Variants in METTL4 observed in about 807,000 individuals in gnomAD.
METTL4 encodes the protein N(6)-adenine-specific methyltransferase METTL4.
A neutral mutation model predicts 54.0 loss-of-function variants in METTL4; 40 were observed. The ratio of observed to expected loss-of-function variants is 0.74; its 90% CI spans 0.58 to 0.96. The LOEUF (loss-of-function observed/expected upper bound fraction) is 0.96, where lower values mean the gene tolerates loss of function less well. Ranked by LOEUF, METTL4 falls within the 50% of genes least tolerant of loss-of-function variation. The pLI, the probability that METTL4 is intolerant of heterozygous loss-of-function variation, is 0.00. For synonymous variants in METTL4, 169 were observed against 183.8 expected (o/e 0.92, Z 0.65); for missense variants, 525 against 549.0 (o/e 0.96, Z 0.44).
Position 2,544,238 on chromosome 18 carries a change from G to A in METTL4, c.1230C>T (p.Val410=), listed in dbSNP as rs773856469. ...VLPIPDHKLI[V]SVPCTLHSHK... is the part of the protein sequence containing the mutation. ...GTGAGTGAAGAGTACAGGGCACGCT[G>A]ACAATTAATTTGTGGTCTGGAATGG... The change falls in exon 8 of 9, where the codon GTC becomes GTT. Residue 410 remains valine, a synonymous_variant. Coordinates refer to ENST00000574538, the MANE Select transcript of METTL4 (RefSeq NM_022840.5). 4 of 1,613,510 alleles carry A rather than the reference G, an allele frequency of 2.5e-6. No individual in the cohort carries two copies. Among genetic ancestry groups the A allele is most frequent in the Non-Finnish European group, 3.4e-6 (4 of 1,179,758 alleles).
chr18:2,549,742 G>C (rs899810727), intron 5 of METTL4, among the ~76,000 whole-genome samples: 2 of 150,456 alleles, frequency 1.3e-5, no homozygotes, highest in Admixed American at 1.3e-4. Context: ...AACACTTTGG[G>C]AGGCCGAGGC....
Position 2,552,749 on chromosome 18 carries a change from T to A in METTL4, c.845A>T (p.Asp282Val). ...QPLLNYRKTFDVIVIDPPWQN... is the reference protein window; with the variant it reads ...QPLLNYRKTFVVIVIDPPWQN... ...CCATGGTGGATCTATCACAATTACATCAAATGTTTTCCTATCTGAAAACAA... is the reference window on the plus strand; with the variant it reads ...CCATGGTGGATCTATCACAATTACAACAAATGTTTTCCTATCTGAAAACAA... The change falls in exon 5 of 9, where the codon GAT becomes GTT. Residue 282 changes from aspartate (D) to valine (V), a missense_variant. Physicochemically the swap from Asp to Val is radical, Grantham distance 152. Transcript: ENST00000574538. 6.2e-7 allele frequency: 1 copy of A among 1,609,608 alleles called. No individual in the cohort carries two copies. Among genetic ancestry groups the A allele is most frequent in the Non-Finnish European group, 8.5e-7 (1 of 1,177,328 alleles).
intron 1 of METTL4, among the ~76,000 whole-genome samples, chr18:2,569,538 T>A (rs2072471453): frequency 2.0e-5 from 3 of 151,650 alleles, no homozygotes; most frequent in Admixed American, 6.6e-5. Flanking sequence ...GGAGGCTTGT[T>A]AGAGTAGACG....
At chr18:2,561,017 T>A (rs746105461) in intron 3 of METTL4, among the ~76,000 whole-genome samples, 1 of 152,118 alleles carries the variant, frequency 6.6e-6, no homozygotes, top group Non-Finnish European at 1.5e-5. Flanking sequence ...GATCAATAGG[T>A]TCATGGAAAA....
At chr18:2,565,568 C>T (rs913539295) in intron 2 of METTL4, among the ~76,000 whole-genome samples, 2 of 152,048 alleles carry the variant, frequency 1.3e-5, no homozygotes, top group Admixed American at 6.5e-5. Flanking sequence ...TTAAAAAGTT[C>T]CATTTCAGAA....
chr18:2,556,367 T>C (rs1348149338), intron 3 of METTL4, among the ~76,000 whole-genome samples: 2 of 149,854 alleles, frequency 1.3e-5, no homozygotes, highest in African/African-American at 4.9e-5. Context: ...TTAAAGAGAG[T>C]CTCAGAAAGA....
chr18:2,561,093 C>T (rs1262623336), intron 3 of METTL4: 1 of 152,062 alleles, frequency 6.6e-6, no homozygotes, highest in East Asian at 1.9e-4. Context: ...TTATTTCCAA[C>T]TCAGTTGAAA....
chr18:2,538,002 T>C lies in METTL4; in HGVS notation c.*998A>G, dbSNP rs1417538857. 2 of 398,318 alleles carry C rather than the reference T, an allele frequency of 5.0e-6. No homozygotes were observed. Among genetic ancestry groups the C allele is most frequent in the Non-Finnish European group, 8.9e-6 (2 of 225,956 alleles). 24.7% of individuals were successfully genotyped at this position (398,318 alleles called of 1,614,324 possible). ...GATCACTGTGGCAGACAGACAACTGTATATATGTTTTCAAAATTCACTGAA... is the reference window on the plus strand; with the variant it reads ...GATCACTGTGGCAGACAGACAACTGCATATATGTTTTCAAAATTCACTGAA... On this transcript the variant is annotated 3_prime_UTR_variant, in exon 9 of 9. Coordinates refer to ENST00000574538, the MANE Select transcript of METTL4 (RefSeq NM_022840.5).
intron 2 of METTL4, among the ~76,000 whole-genome samples, chr18:2,566,286 T>C (rs1222517891): frequency 2.0e-5 from 3 of 152,044 alleles, no homozygotes; most frequent in Non-Finnish European, 4.4e-5. Flanking sequence ...ACATATACTT[T>C]ACAAACGGGT....
Position 2,551,236 on chromosome 18 carries a change from A to G in METTL4, c.899+1459T>C, listed in dbSNP as rs149362260. Among the ~76,000 whole-genome samples, 236 of 152,182 alleles carry G rather than the reference A, an allele frequency of 1.6e-3. 6 individuals carry two copies. In the East Asian group the frequency reaches 0.042, roughly 27 times the overall value. On this transcript the variant is annotated intron_variant, in intron 5 of 8. Transcript: ENST00000574538. Reference sequence around the variant, plus strand: ...TATTTTGATAATTACATTATGTAAAACAATTATCTTTGTTTTTAGGAAATA... The same window carrying G: ...TATTTTGATAATTACATTATGTAAAGCAATTATCTTTGTTTTTAGGAAATA...
At chr18:2,545,663 T>A (rs912028714) in intron 6 of METTL4, among the ~76,000 whole-genome samples, 6 of 152,120 alleles carry the variant, frequency 3.9e-5, no homozygotes, top group African/African-American at 1.4e-4. Flanking sequence ...TGAAACTCTT[T>A]ATCCGATATC....
At chr18:2,540,661 A>C (rs773062206) in intron 8 of METTL4, 132 of 985,302 alleles carry the variant, frequency 1.3e-4, no homozygotes, top group Non-Finnish European at 1.5e-4. Flanking sequence ...ATTAAATGCT[A>C]CTAACCTTGA....
chr18:2,570,090 GT>G (rs1256002534), intron 1 of METTL4, among the ~76,000 whole-genome samples: 4 of 152,198 alleles, frequency 2.6e-5, no homozygotes, highest in African/African-American at 9.7e-5. Flanking sequence ...CCTCTGAATT[GT>G]TTTCTTTTCC....
At chr18:2,551,492 A>AG (rs1303581876) in intron 5 of METTL4, among the ~76,000 whole-genome samples, 2 of 151,904 alleles carry the variant, frequency 1.3e-5, no homozygotes, top group Admixed American at 1.3e-4. Flanking sequence ...GCTTGAGACT[A>AG]GGGGTTCAAC....
chr18:2,546,366 CTATT>C (rs1015569975), intron 6 of METTL4, among the ~76,000 whole-genome samples: 7 of 151,948 alleles, frequency 4.6e-5, no homozygotes, highest in African/African-American at 1.5e-4. Context: ...GTTTATCTCT[CTATT>C]TATAAATTAA....
intron 8 of METTL4, among the ~76,000 whole-genome samples, chr18:2,542,313 G>A (rs1467902231): frequency 6.6e-6 from 1 of 150,376 alleles, no homozygotes; most frequent in African/African-American, 2.4e-5. Flanking sequence ...CCACTAACTC[G>A]TCGTCTAGCA....
chr18:2,539,068 T>C lies in METTL4; in HGVS notation c.1351A>G (p.Ser451Gly). 1 of 1,613,944 alleles carries C rather than the reference T, an allele frequency of 6.2e-7. No individual in the cohort carries two copies. The highest frequency in any genetic ancestry group is 8.5e-7 in the Non-Finnish European group (1 of 1,179,860). ...AATTTGAGAACTTCATTGCCCCAAC[T>C]AGTCCAACCTGGCTGTAAATTTCGA... ...FARNLQPGWT[S>G]WGNEVLKFQH... The change falls in exon 9 of 9, where the codon AGT (serine) becomes GGT (glycine). Residue 451 changes from serine (S) to glycine (G), a missense_variant. By Grantham distance (56) the Ser-to-Gly change is moderately conservative (BLOSUM62 0). Coordinates refer to ENST00000574538, the MANE Select transcript of METTL4 (RefSeq NM_022840.5).
chr18:2,547,105 A>T (rs144076848), intron 6 of METTL4, among the ~76,000 whole-genome samples: 4,778 of 152,226 alleles, frequency 0.031, 117 homozygotes, highest in Middle Eastern at 0.075. Flanking sequence ...AGCTTTTAAA[A>T]ATTTTATCCT....
At chr18:2,542,454 CTTTAT>C (rs2072006947) in intron 8 of METTL4, among the ~76,000 whole-genome samples, 1 of 148,020 alleles carries the variant, frequency 6.8e-6, no homozygotes, top group Non-Finnish European at 1.5e-5. Flanking sequence ...TTAAATATAA[CTTTAT>C]TTTATTTTAA....
Sources: gnomAD v4.1 joint callset for allele counts (sites outside exome capture counted in the v4.1 genomes callset) on GRCh38, gnomAD v4.1.1 for gene constraint, MANE v1.5 for transcripts, NCBI Gene and HGNC (gene_info 2026-07-23, HGNC 2026-07-21) for gene names.